ATP10A: variants seen among roughly 807,000 people sequenced by gnomAD.
The protein encoded by ATP10A is ATPase phospholipid transporting 10A (putative).
Under a neutral mutation model 147.8 loss-of-function variants are expected in ATP10A, and 111 were observed. The ratio of observed to expected loss-of-function variants is 0.75; its 90% CI spans 0.64 to 0.88. The LOEUF is 0.88. Ranked by LOEUF, ATP10A falls within the 40% of genes least tolerant of loss-of-function variation. ATP10A has a pLI of 0.00. For missense variants in ATP10A, 1,927 were observed against 1,959.0 expected (o/e 0.98, Z 0.31); for synonymous variants, 875 against 841.6 (o/e 1.04, Z -0.69).
chr15:25,757,900 TCACCTGCTCCACCCTAACTCATTCCGAC>T (rs1888521174), intron 2 of ATP10A, among the ~76,000 whole-genome samples: 2 of 16,436 alleles, frequency 1.2e-4, no homozygotes, highest in African/African-American at 4.6e-4. Flanking sequence ...CTCATTCCTA[TCACCTGCTCCACCCTAACTCATTCCGAC>T]CACCTGCTCC....
At chr15:25,839,061 G>C (rs1892701033) in intron 1 of ATP10A, among the ~76,000 whole-genome samples, 1 of 152,098 alleles carries the variant, frequency 6.6e-6, no homozygotes, top group Non-Finnish European at 1.5e-5. Flanking sequence ...TGTTTACCTA[G>C]GTGACAGCAA....
At chr15:25,840,257 G>T (rs990683705) in intron 1 of ATP10A, among the ~76,000 whole-genome samples, 1 of 152,106 alleles carries the variant, frequency 6.6e-6, no homozygotes, top group Non-Finnish European at 1.5e-5. Flanking sequence ...GTAAACTCAC[G>T]TTATAGGGGT....
chr15:25,676,384 A>G (rs1899136201), downstream of ATP10A, among the ~76,000 whole-genome samples: 1 of 152,134 alleles, frequency 6.6e-6, no homozygotes, highest in African/African-American at 2.4e-5. Context: ...GGCCACTTCC[A>G]TGTGCAGGGG....
At chr15:25,839,442 A>C (rs943778267) in intron 1 of ATP10A, among the ~76,000 whole-genome samples, 1 of 152,246 alleles carries the variant, frequency 6.6e-6, no homozygotes, top group South Asian at 2.1e-4. Flanking sequence ...TTACTCATAA[A>C]TCTTAATGCT....
intron 2 of ATP10A, among the ~76,000 whole-genome samples, chr15:25,747,126 T>C (rs189229663): frequency 2.0e-3 from 299 of 151,862 alleles, no homozygotes; most frequent in Non-Finnish European, 3.7e-3. Context: ...ATCTCTACTA[T>C]AACTACAAAA....
intron 1 of ATP10A, among the ~76,000 whole-genome samples, chr15:25,848,125 G>C (rs1301850759): frequency 6.4e-5 from 1 of 15,550 alleles, no homozygotes; most frequent in African/African-American, 1.0e-4. Context: ...CCTCTAAAAA[G>C]TGTTTTTTTT....
Position 25,786,748 on chromosome 15 carries a change from T to C in ATP10A, c.450-5525A>G, listed in dbSNP as rs867406206. On this transcript the variant is annotated intron_variant, in intron 1 of 20. Coordinates refer to ENST00000555815, the MANE Select transcript of ATP10A (RefSeq NM_024490.4). Reference sequence around the variant, plus strand: ...TCACTCCATTCTCCTGCCTCAGCCTTCCGAGTAGCTGGGACTACAGGCGCC... The same window carrying C: ...TCACTCCATTCTCCTGCCTCAGCCTCCCGAGTAGCTGGGACTACAGGCGCC... 3.6e-3 allele frequency among the ~76,000 whole-genome samples: 525 copies of C among 144,878 alleles called. 2 individuals carry two copies. The highest frequency in any genetic ancestry group is 0.011 in the Middle Eastern group (3 of 266).
intron 10 of ATP10A, 63 bp downstream of exon 10, chr15:25,713,611 T>G: frequency 6.9e-7 from 1 of 1,458,882 alleles, no homozygotes. Context: ...AGGAATTGGG[T>G]GGGGATATTT....
intron 3 of ATP10A, among the ~76,000 whole-genome samples, chr15:25,731,848 A>T (rs2140468791): frequency 6.6e-6 from 1 of 152,300 alleles, no homozygotes; most frequent in Non-Finnish European, 1.5e-5. Flanking sequence ...TTTAAAGTTC[A>T]TAGAGTTCTG....
chr15:25,845,456 C>T (rs966600885), intron 1 of ATP10A, among the ~76,000 whole-genome samples: 1 of 152,102 alleles, frequency 6.6e-6, no homozygotes, highest in African/African-American at 2.4e-5. Flanking sequence ...CATACTCTGC[C>T]TCGAGCTCAC....
intron 1 of ATP10A, among the ~76,000 whole-genome samples, chr15:25,807,630 C>A (rs1473850687): frequency 6.6e-6 from 1 of 152,186 alleles, no homozygotes; most frequent in East Asian, 1.9e-4. Flanking sequence ...TGGTGAAACC[C>A]CGCCTCTATG....
At chr15:25,760,885 T>C (rs1260956498) in intron 2 of ATP10A, among the ~76,000 whole-genome samples, 1 of 152,198 alleles carries the variant, frequency 6.6e-6, no homozygotes, top group Admixed American at 6.5e-5. Context: ...TACCATATGT[T>C]TCAGCCATTC....
chr15:25,858,125 G>A (rs1027809123), intron 1 of ATP10A, among the ~76,000 whole-genome samples: 3 of 152,160 alleles, frequency 2.0e-5, no homozygotes, highest in Non-Finnish European at 4.4e-5. Flanking sequence ...CAACAAACAT[G>A]TGAATGGCAA....
At chr15:25,820,730 T>G (rs748980462) in intron 1 of ATP10A, among the ~76,000 whole-genome samples, 7 of 152,164 alleles carry the variant, frequency 4.6e-5, no homozygotes, top group Non-Finnish European at 8.8e-5. Flanking sequence ...TGGGAAAATT[T>G]ATTATATGAA....
At chr15:25,703,155 C>G (rs1288580578) in intron 12 of ATP10A, among the ~76,000 whole-genome samples, 1 of 152,134 alleles carries the variant, frequency 6.6e-6, no homozygotes. Flanking sequence ...GTCAGGAGTT[C>G]CAGACCAACC....
At chr15:25,708,421 T>C (rs1035782548) in intron 10 of ATP10A, 121 bp from the exon 11 acceptor site, 13 of 797,068 alleles carry the variant, frequency 1.6e-5, no homozygotes, top group South Asian at 1.4e-4. Flanking sequence ...AATTTTCATA[T>C]AGAATTCAAA....
At chr15:25,750,865 C>T (rs1888121297) in intron 2 of ATP10A, among the ~76,000 whole-genome samples, 1 of 151,632 alleles carries the variant, frequency 6.6e-6, no homozygotes, top group South Asian at 2.1e-4. Flanking sequence ...ATCCAACAAA[C>T]CTTGAAGTAA....
At chr15:25,778,231 A>G (rs1889718645) in intron 2 of ATP10A, among the ~76,000 whole-genome samples, 1 of 152,174 alleles carries the variant, frequency 6.6e-6, no homozygotes, top group African/African-American at 2.4e-5. Context: ...GTAAAATATT[A>G]TATTGTATTT....
chr15:25,747,350 A>ATATTGC (rs1887903689), intron 2 of ATP10A, among the ~76,000 whole-genome samples: 2 of 151,862 alleles, frequency 1.3e-5, no homozygotes, highest in South Asian at 4.1e-4. Flanking sequence ...AGATTGTGGG[A>ATATTGC]TATTGCTTGC....
Sources: allele counts gnomAD v4.1 joint callset (sites outside exome capture counted in the v4.1 genomes callset), GRCh38; gene constraint gnomAD v4.1.1; transcripts MANE v1.5; gene names NCBI Gene and HGNC (gene_info 2026-07-23, HGNC 2026-07-21).